Variants in KSR1 observed in about 807,000 individuals in gnomAD.
KSR1 encodes kinase suppressor of ras.
Under a neutral mutation model 92.9 loss-of-function variants are expected in KSR1, and 35 were observed. The observed-to-expected ratio is 0.38, with a 90% CI of 0.29 to 0.50. The LOEUF (loss-of-function observed/expected upper bound fraction) is 0.50, where lower values mean the gene tolerates loss of function less well. KSR1 is among the 20% of genes least tolerant of loss of function. KSR1 has a pLI of 0.94. For missense variants in KSR1, 972 were observed against 1,158.5 expected (o/e 0.84, Z 2.34); for synonymous variants, 467 against 472.6 (o/e 0.99, Z 0.15).
intron 1 of KSR1, among the ~76,000 whole-genome samples, chr17:27,467,708 T>C (rs553355486): frequency 6.6e-6 from 1 of 152,324 alleles, no homozygotes; most frequent in East Asian, 1.9e-4. Context: ...TGTTAATCTC[T>C]AAGGGCCTTT....
intron 1 of KSR1, among the ~76,000 whole-genome samples, chr17:27,516,090 A>G (rs1216664703): frequency 4.6e-5 from 7 of 152,176 alleles, no homozygotes; most frequent in African/African-American, 1.7e-4. Flanking sequence ...ACCTGGTTTT[A>G]TCTAACTAAG....
chr17:27,601,382 A>C lies in KSR1; in HGVS notation c.1491A>C (p.Arg497Ser), dbSNP rs746427717. 6.2e-7 allele frequency: 1 copy of C among 1,613,682 alleles called. No homozygotes were observed. Among genetic ancestry groups the C allele is most frequent in the Non-Finnish European group, 8.5e-7 (1 of 1,179,636 alleles). The change falls in exon 11 of 21, where the codon AGA becomes AGC. Residue 497 changes from arginine (R) to serine (S), a missense_variant. Coordinates refer to ENST00000644974, the MANE Select transcript of KSR1 (RefSeq NM_001394583.1). ...NFPAAYFIHH[R>S]QQFIFPDISA... The stretch of plus-strand genomic sequence containing the variant: ...AAGCTGCCTACTTCATTCATCATAG[A>C]CAGCAGTTTATCTTTCCAGGTGAGT...
At chr17:27,471,137 G>A (rs947771709) in intron 1 of KSR1, among the ~76,000 whole-genome samples, 3 of 152,180 alleles carry the variant, frequency 2.0e-5, no homozygotes, top group Non-Finnish European at 4.4e-5. Flanking sequence ...CCAAAGTGCT[G>A]TAAAGGCGTG....
chr17:27,528,741 T>C (rs1597956641), intron 1 of KSR1, among the ~76,000 whole-genome samples: 1 of 151,948 alleles, frequency 6.6e-6, no homozygotes, highest in East Asian at 1.9e-4. Context: ...TCTACAAAAA[T>C]TAAAATAAAA....
At chr17:27,511,124 G>GA (rs1405611146) in intron 1 of KSR1, among the ~76,000 whole-genome samples, 1 of 152,150 alleles carries the variant, frequency 6.6e-6, no homozygotes, top group African/African-American at 2.4e-5. Flanking sequence ...TCTTTCTTAG[G>GA]AAAAAAGTGA....
chr17:27,474,395 T>C (rs1229400968), intron 1 of KSR1, among the ~76,000 whole-genome samples: 1 of 152,156 alleles, frequency 6.6e-6, no homozygotes, highest in Non-Finnish European at 1.5e-5. Context: ...TATCTTTGGA[T>C]GTAAGGATGG....
intron 1 of KSR1, among the ~76,000 whole-genome samples, chr17:27,502,044 C>T (rs1299424413): frequency 6.6e-6 from 1 of 152,230 alleles, no homozygotes; most frequent in Non-Finnish European, 1.5e-5. Flanking sequence ...ATTGTGCCTC[C>T]ATGCCTGCCT....
At chr17:27,469,175 C>T (rs1412386619) in intron 1 of KSR1, among the ~76,000 whole-genome samples, 2 of 152,194 alleles carry the variant, frequency 1.3e-5, no homozygotes, top group African/African-American at 4.8e-5. Context: ...TCTTCCTTGC[C>T]CTTCCCGGCT....
At chr17:27,495,168 G>A (rs912119730) in intron 1 of KSR1, among the ~76,000 whole-genome samples, 4 of 152,346 alleles carry the variant, frequency 2.6e-5, no homozygotes, top group African/African-American at 7.2e-5. Context: ...CAGGACAGGA[G>A]CTTGTGGGCT....
intron 1 of KSR1, chr17:27,526,609 T>C: frequency 2.5e-6 from 4 of 1,575,526 alleles, no homozygotes. Context: ...CATTTGTTGA[T>C]CATGTTCAGT....
intron 2 of KSR1, among the ~76,000 whole-genome samples, chr17:27,555,810 G>A (rs748779574): frequency 2.0e-5 from 3 of 152,160 alleles, no homozygotes; most frequent in Non-Finnish European, 4.4e-5. Flanking sequence ...CCACTGGAAC[G>A]TTTTCATCTT....
At chr17:27,533,182 A>AT (rs2070615076) in intron 1 of KSR1, among the ~76,000 whole-genome samples, 1 of 152,116 alleles carries the variant, frequency 6.6e-6, no homozygotes, top group Non-Finnish European at 1.5e-5. Flanking sequence ...GCCGCATGAC[A>AT]TGGGACTGTT....
Position 27,582,913 on chromosome 17 carries a change from G to T in KSR1, c.788G>T (p.Arg263Leu). The change falls in exon 4 of 21, where the codon CGT becomes CTT. Residue 263 changes from arginine (R) to leucine (L), a missense_variant. Transcript: ENST00000644974. ...CACGCCAGCGGCCGGCTGACCCCCC[G>T]TGCCCTGCACAGCTTCATCACCCCG... Reference protein sequence around the residue: ...PLHASGRLTPRALHSFITPPT... With the variant: ...PLHASGRLTPLALHSFITPPT... 2 of 1,608,924 alleles carry T rather than the reference G, an allele frequency of 1.2e-6. No individual in the cohort carries two copies. Among genetic ancestry groups the T allele is most frequent in the Non-Finnish European group, 1.7e-6 (2 of 1,178,616 alleles).
intron 11 of KSR1, 28 bp from the exon 12 acceptor site, chr17:27,603,806 C>T: frequency 1.2e-6 from 2 of 1,613,160 alleles, no homozygotes; most frequent in Non-Finnish European, 1.7e-6. Context: ...CAATCTCATG[C>T]TTTGTGTTTG....
chr17:27,472,357 A>G (rs1236007208), intron 1 of KSR1, among the ~76,000 whole-genome samples: 1 of 152,194 alleles, frequency 6.6e-6, no homozygotes, highest in East Asian at 1.9e-4. Context: ...GAGTGCCTGG[A>G]AATAGCCTGG....
rs1189720499 is a variant in KSR1, at chr17:27,559,044, G to T, written c.372+8336G>T. On this transcript the variant is annotated intron_variant, in intron 2 of 20. Transcript: ENST00000644974. This position sits in a 1 kb window ranked among gnomAD's most constrained non-coding sequence, Gnocchi z 4.2. Reference sequence around the variant, plus strand: ...TATTGTTTTCCTAAGGGCCATCCCTGCAGGGTTATCTAAATACCATTTCAG... The same window carrying T: ...TATTGTTTTCCTAAGGGCCATCCCTTCAGGGTTATCTAAATACCATTTCAG... Among the ~76,000 whole-genome samples the T allele has an allele frequency of 1.3e-5, 2 of 152,224 alleles. No individual in the cohort carries two copies. The highest frequency in any genetic ancestry group is 2.9e-5 in the Non-Finnish European group (2 of 68,034).
At chr17:27,548,887 G>C (rs1408609821) in intron 1 of KSR1, among the ~76,000 whole-genome samples, 3 of 151,480 alleles carry the variant, frequency 2.0e-5, no homozygotes, top group Non-Finnish European at 4.4e-5. Flanking sequence ...TGAAATGCTT[G>C]AGGTCCAAAG....
chr17:27,487,272 T>C (rs2068693998), intron 1 of KSR1, among the ~76,000 whole-genome samples: 2 of 151,774 alleles, frequency 1.3e-5, no homozygotes, highest in African/African-American at 4.8e-5. Context: ...CCGTCTCTAC[T>C]AAAAATACAA....
At chr17:27,507,380 C>T (rs576327845) in intron 1 of KSR1, among the ~76,000 whole-genome samples, 1 of 151,626 alleles carries the variant, frequency 6.6e-6, no homozygotes, top group African/African-American at 2.4e-5. Context: ...TTGCAGTGAG[C>T]CAAGATCATG....
Sources: gnomAD v4.1 joint callset for allele counts (sites outside exome capture counted in the v4.1 genomes callset) on GRCh38, gnomAD v4.1.1 for gene constraint, Gnocchi (gnomAD v3.1) non-coding constraint, MANE v1.5 for transcripts, NCBI Gene and HGNC (gene_info 2026-07-23, HGNC 2026-07-21) for gene names.